GALNT2: variants seen among roughly 807,000 people sequenced by gnomAD.
GALNT2 encodes the protein UDP-GalNAc:polypeptide N-acetylgalactosaminyltransferase 2.
In GALNT2, 31 loss-of-function variants were observed where a neutral mutation model predicts 81.4. That is an observed-to-expected ratio of 0.38 (90% confidence interval 0.29 to 0.51). GALNT2 has a LOEUF of 0.51. Ranked by LOEUF, GALNT2 falls within the 20% of genes least tolerant of loss-of-function variation. GALNT2 has a pLI of 0.87. For missense variants in GALNT2, 629 were observed against 765.7 expected (o/e 0.82, Z 2.11); for synonymous variants, 303 against 287.4 (o/e 1.05, Z -0.55).
intron 2 of GALNT2, among the ~76,000 whole-genome samples, chr1:230,188,954 C>G (rs1345039080): frequency 1.3e-5 from 2 of 151,654 alleles, no homozygotes; most frequent in Non-Finnish European, 2.9e-5. Context: ...AGCCAGCTGG[C>G]AGAAGGACTG....
In GALNT2 at chr1:230,070,698, C is replaced by T. The variant is rs757053715; in HGVS notation, c.126+3292C>T. 6.6e-6 allele frequency among the ~76,000 whole-genome samples: 1 copy of T among 152,056 alleles called. No individual in the cohort carries two copies. ...TGGGTGGGATCTTCTAGGAATCATG[C>T]GGGGAGGCGGGCAGGTTATTTCTTG... On this transcript the variant is annotated intron_variant, in intron 1 of 15. Coordinates refer to ENST00000366672, the MANE Select transcript of GALNT2 (RefSeq NM_004481.5). This position sits in a 1 kb window ranked among gnomAD's most constrained non-coding sequence, Gnocchi z 4.7.
chr1:230,159,759 T>C (rs963607136), intron 1 of GALNT2, among the ~76,000 whole-genome samples: 1 of 152,254 alleles, frequency 6.6e-6, no homozygotes, highest in Non-Finnish European at 1.5e-5. Context: ...AGATACCTTG[T>C]CTACCTCCCC....
intron 1 of GALNT2, among the ~76,000 whole-genome samples, chr1:230,121,756 T>C (rs561874509): frequency 1.3e-5 from 2 of 152,218 alleles, no homozygotes; most frequent in African/African-American, 4.8e-5. Flanking sequence ...GGATGAGTGC[T>C]TTTGCATACC....
Position 230,241,558 on chromosome 1 carries a change from T to C in GALNT2, c.608-1748T>C, listed in dbSNP as rs191366340. On this transcript the variant is annotated intron_variant, in intron 6 of 15. Transcript: ENST00000366672. ...GCCTCCTGGGTTCAAGCAATTCTCC[T>C]ACCTCAGCCTGCCGAGTAGCTGGGA... is the stretch of plus-strand genomic sequence containing the variant. Among the ~76,000 whole-genome samples, 329 of 152,244 alleles carry C rather than the reference T, an allele frequency of 2.2e-3. 1 individual carries two copies. The highest frequency in any genetic ancestry group is 4.1e-3 in the Non-Finnish European group (277 of 68,008).
At chr1:230,104,846 G>T (rs1660493133) in intron 1 of GALNT2, among the ~76,000 whole-genome samples, 1 of 152,212 alleles carries the variant, frequency 6.6e-6, no homozygotes, top group Non-Finnish European at 1.5e-5. Context: ...CCCTTGCCAG[G>T]CTGAGTCACA....
chr1:230,132,579 A>G (rs1661402698), intron 1 of GALNT2, among the ~76,000 whole-genome samples: 1 of 152,224 alleles, frequency 6.6e-6, no homozygotes, highest in East Asian at 1.9e-4. Context: ...GGACTGTACT[A>G]GAGAGGTGAC....
At chr1:230,060,593 C>T (rs3009713) in intron 1 of GALNT2, among the ~76,000 whole-genome samples, 22 of 151,648 alleles carry the variant, frequency 1.5e-4, no homozygotes, top group Non-Finnish European at 2.9e-4. Context: ...TGTTGAAAGA[C>T]ATTTGAAGAC....
intron 1 of GALNT2, among the ~76,000 whole-genome samples, chr1:230,166,546 A>G (rs959789934): frequency 6.6e-6 from 1 of 152,194 alleles, no homozygotes; most frequent in African/African-American, 2.4e-5. Flanking sequence ...CTTGCCATGG[A>G]GAGATGGCAG....
At chr1:230,120,840 T>A (rs1321045497) in intron 1 of GALNT2, among the ~76,000 whole-genome samples, 1 of 152,172 alleles carries the variant, frequency 6.6e-6, no homozygotes, top group African/African-American at 2.4e-5. Flanking sequence ...TCAGGCTAGA[T>A]CATGTTGGCA....
At chr1:230,211,662 G>T (rs979046350) in intron 3 of GALNT2, among the ~76,000 whole-genome samples, 2 of 152,078 alleles carry the variant, frequency 1.3e-5, no homozygotes, top group African/African-American at 2.4e-5. Context: ...ACTCCCAGCC[G>T]CTTGGGAGGC....
intron 3 of GALNT2, among the ~76,000 whole-genome samples, chr1:230,234,344 A>G (rs540892357): frequency 2.8e-4 from 43 of 152,148 alleles, no homozygotes; most frequent in African/African-American, 1.0e-3. Flanking sequence ...AGGTCTGTGA[A>G]TCTCCTTCTT....
intron 1 of GALNT2, among the ~76,000 whole-genome samples, chr1:230,081,060 G>A (rs1558274187): frequency 6.6e-6 from 1 of 152,196 alleles, no homozygotes; most frequent in East Asian, 1.9e-4. Context: ...GGTTTGAAGT[G>A]AACCAACCTA....
intron 1 of GALNT2, among the ~76,000 whole-genome samples, chr1:230,060,730 G>A (rs1265330989): frequency 6.6e-6 from 1 of 152,108 alleles, no homozygotes; most frequent in Non-Finnish European, 1.5e-5. Context: ...TTCCCTGAAT[G>A]TCTATCAGTT....
chr1:230,216,603 T>G (rs981660458), intron 3 of GALNT2, among the ~76,000 whole-genome samples: 1 of 152,144 alleles, frequency 6.6e-6, no homozygotes, highest in Non-Finnish European at 1.5e-5. Flanking sequence ...TTTAAAAAAT[T>G]GTTTAGTAGA....
At chr1:230,066,382 G>T (rs1257430259), upstream of GALNT2, among the ~76,000 whole-genome samples, 2 of 152,176 alleles carry the variant, frequency 1.3e-5, no homozygotes, top group Admixed American at 6.5e-5. Context: ...AGAAAGAAAA[G>T]ATTTTAAACA....
intron 1 of GALNT2, among the ~76,000 whole-genome samples, chr1:230,146,977 GAC>G (rs1351999562): frequency 1.3e-5 from 2 of 152,224 alleles, no homozygotes; most frequent in African/African-American, 4.8e-5. Context: ...CGTGGCAGGG[GAC>G]AGACAGGAGG....
rs893683640 is a variant in GALNT2, at chr1:230,279,768, G to A, written c.*310G>A. On this transcript the variant is annotated 3_prime_UTR_variant, in exon 16 of 16. Transcript: ENST00000366672. This position sits in a 1 kb window ranked among gnomAD's most constrained non-coding sequence, Gnocchi z 4.6. ...AACTGAGTGACACCCAGCGACAACC[G>A]ACTGGGGAGTGGTAGAAGCAACTGA... is the stretch of plus-strand genomic sequence containing the variant. 7 of 508,950 alleles carry A rather than the reference G, an allele frequency of 1.4e-5. No individual in the cohort carries two copies. Among genetic ancestry groups the A allele is most frequent in the South Asian group, 3.3e-5 (2 of 61,500 alleles). 31.5% of individuals were successfully genotyped at this position (508,950 alleles called of 1,614,324 possible). A position where few individuals can be genotyped will look rare whatever the true frequency, so the allele number is the denominator to read the frequency against.
chr1:230,088,982 G>T (rs373209169), intron 1 of GALNT2, among the ~76,000 whole-genome samples: 1 of 151,906 alleles, frequency 6.6e-6, no homozygotes, highest in African/African-American at 2.4e-5. Flanking sequence ...TAGATATTTC[G>T]TATAAATTGA....
chr1:230,143,424 T>C (rs1315170590), intron 1 of GALNT2, among the ~76,000 whole-genome samples: 1 of 152,176 alleles, frequency 6.6e-6, no homozygotes, highest in Non-Finnish European at 1.5e-5. Context: ...CAAGGTGTGG[T>C]GTGTGCAGGT....
Sources: allele counts gnomAD v4.1 joint callset (sites outside exome capture counted in the v4.1 genomes callset), GRCh38; gene constraint gnomAD v4.1.1; non-coding constraint Gnocchi (gnomAD v3.1); transcripts MANE v1.5; gene names NCBI Gene and HGNC (gene_info 2026-07-23, HGNC 2026-07-21).